The following UBR2 variants were observed in gnomAD, a reference collection of about 807,000 sequenced individuals.
UBR2 encodes E3 ubiquitin-protein ligase UBR2.
A neutral mutation model predicts 247.9 loss-of-function variants in UBR2; 92 were observed. The ratio of observed to expected loss-of-function variants is 0.37; its 90% confidence interval spans 0.31 to 0.44. The LOEUF (loss-of-function observed/expected upper bound fraction) is 0.44. Ranked by LOEUF, UBR2 falls within the 20% of genes least tolerant of loss-of-function variation. The pLI, the probability that UBR2 is intolerant of heterozygous loss-of-function variation, is 1.00. For missense variants in UBR2, 1,613 were observed against 2,112.6 expected (o/e 0.76, Z 4.64); for synonymous variants, 672 against 693.5 (o/e 0.97, Z 0.49).
intron 13 of UBR2, among the ~76,000 whole-genome samples, chr6:42,634,497 C>T (rs1008805005): frequency 7.2e-5 from 11 of 152,192 alleles, no homozygotes; most frequent in Non-Finnish European, 4.4e-5. Flanking sequence ...CTCTATCGCC[C>T]AGGCGGGAGT....
chr6:42,671,639 CTT>C (rs1297380507), intron 36 of UBR2, among the ~76,000 whole-genome samples: 4 of 152,248 alleles, frequency 2.6e-5, no homozygotes, highest in African/African-American at 7.2e-5. Flanking sequence ...CATTCTGAAA[CTT>C]TTATTTCTCT....
chr6:42,680,964 C>T (rs527537166), intron 42 of UBR2, among the ~76,000 whole-genome samples: 1 of 152,032 alleles, frequency 6.6e-6, no homozygotes, highest in African/African-American at 2.4e-5. Flanking sequence ...GAGATCGAGA[C>T]CATCCTGGCT....
chr6:42,636,188 T>G (rs1234041830), intron 14 of UBR2, among the ~76,000 whole-genome samples: 2 of 150,032 alleles, frequency 1.3e-5, no homozygotes, highest in Non-Finnish European at 3.0e-5. Flanking sequence ...TTTTGTTTTT[T>G]TTTTTTTTGA....
rs936045862 is a variant in UBR2, at chr6:42,641,474, A to G, written c.1921-108A>G. On this transcript the variant is annotated intron_variant, in intron 16 of 46. Transcript: ENST00000372901. The stretch of plus-strand genomic sequence containing the variant: ...AAAAATAATAATAATAATAATTTAT[A>G]TTGTGTTTTATAAAAGCATTTATCT... 25 of 676,088 alleles carry G rather than the reference A, an allele frequency of 3.7e-5. No individual in the cohort carries two copies. The African/African-American group carries it at 4.9e-4, about 13-fold the overall frequency. The allele number at this position is 676,088 out of a possible 1,614,324, so 41.9% of individuals were successfully genotyped here.
At chr6:42,663,641 T>C (rs1797949253) in intron 32 of UBR2, among the ~76,000 whole-genome samples, 1 of 152,216 alleles carries the variant, frequency 6.6e-6, no homozygotes. Context: ...TAAATTCCTA[T>C]GTATTTATGA....
intron 13 of UBR2, among the ~76,000 whole-genome samples, chr6:42,634,664 A>G (rs944588836): frequency 2.0e-5 from 3 of 152,222 alleles, no homozygotes; most frequent in Non-Finnish European, 4.4e-5. Flanking sequence ...CATGTTGGCC[A>G]GGCTGGTCTT....
chr6:42,565,196 G>A (rs1790707287), intron 1 of UBR2, among the ~76,000 whole-genome samples: 1 of 152,170 alleles, frequency 6.6e-6, no homozygotes, highest in Admixed American at 6.5e-5. Context: ...ACGCACTATT[G>A]CATTAAAACT....
chr6:42,611,667 A>G (rs1459088685), intron 7 of UBR2, among the ~76,000 whole-genome samples: 1 of 152,110 alleles, frequency 6.6e-6, no homozygotes, highest in Non-Finnish European at 1.5e-5. Context: ...GTGCTTTGGG[A>G]GACTGAGGCA....
intron 11 of UBR2, among the ~76,000 whole-genome samples, chr6:42,632,067 A>ATATATATATATATATATAT (rs60620486): frequency 6.2e-5 from 5 of 80,390 alleles, no homozygotes; most frequent in African/African-American, 2.7e-4. Context: ...AAAAAAAAAA[A>ATATATATATATATATATAT]AAATATATAT....
At chr6:42,634,796 G>C (rs1047414028) in intron 13 of UBR2, among the ~76,000 whole-genome samples, 12 of 152,086 alleles carry the variant, frequency 7.9e-5, no homozygotes, top group Admixed American at 7.9e-4. Context: ...GTAGTTCATG[G>C]GTGTTTATTA....
intron 8 of UBR2, among the ~76,000 whole-genome samples, chr6:42,612,904 CA>C (rs1794183359): frequency 6.6e-6 from 1 of 152,140 alleles, no homozygotes; most frequent in African/African-American, 2.4e-5. Context: ...AGTTCAAGAC[CA>C]GCCTGACCAA....
chr6:42,607,174 A>G (rs2151930459), intron 7 of UBR2, among the ~76,000 whole-genome samples: 1 of 147,102 alleles, frequency 6.8e-6, no homozygotes, highest in Non-Finnish European at 1.5e-5. Flanking sequence ...AAATAATTTT[A>G]TCTTTTTTTT....
At chr6:42,642,349 G>A in intron 17 of UBR2, 67 bp from the exon 18 acceptor site, 2 of 1,119,666 alleles carry the variant, frequency 1.8e-6, no homozygotes, top group Non-Finnish European at 2.6e-6. Flanking sequence ...TGTGCTTTTG[G>A]GGAAGGATTA....
At chr6:42,570,699 T>C (rs966299094) in intron 1 of UBR2, among the ~76,000 whole-genome samples, 6 of 152,154 alleles carry the variant, frequency 3.9e-5, no homozygotes, top group African/African-American at 1.4e-4. Flanking sequence ...TTGTTTGTTT[T>C]TTGAGACAGG....
chr6:42,592,001 A>T, intron 2 of UBR2, 150 bp from the exon 3 acceptor site: 1 of 704,032 alleles, frequency 1.4e-6, no homozygotes, highest in Non-Finnish European at 2.3e-6. Flanking sequence ...CAAAGATCTG[A>T]CAGATCTTTG....
At position 42,659,787 on chromosome 6, in the gene UBR2, T is replaced by G; in HGVS notation, c.3374T>G (p.Val1125Gly). 1.2e-6 allele frequency: 2 copies of G among 1,614,178 alleles called. No homozygotes were observed. The highest frequency in any genetic ancestry group is 1.7e-6 in the Non-Finnish European group (2 of 1,180,038). The stretch of plus-strand genomic sequence containing the variant: ...GTTAAAGTGGAAAGCAGGGCAATGG[T>G]CTTGGCAGCATTTGTTCAGAGATCA... The part of the protein sequence containing the change: ...QEVKVESRAM[V>G]LAAFVQRSTV... The change falls in exon 30 of 47, where the codon GTC becomes GGC. Residue 1125 changes from valine (V) to glycine (G), a missense_variant. Around this residue, in one of 3 missense-constraint regions of UBR2, gnomAD observed 1,524 missense variants for 1,967.3 expected, o/e 0.77. Coordinates refer to ENST00000372901, the MANE Select transcript of UBR2 (RefSeq NM_001363705.2). This position sits in a 1 kb window ranked among gnomAD's most constrained non-coding sequence, Gnocchi z 4.3.
chr6:42,652,270 C>T (rs1797165410), intron 24 of UBR2, among the ~76,000 whole-genome samples, 199 bp downstream of exon 24: 1 of 152,266 alleles, frequency 6.6e-6, no homozygotes, highest in Non-Finnish European at 1.5e-5. Context: ...TTGATGTTAT[C>T]TCAGATCTTA....
intron 11 of UBR2, among the ~76,000 whole-genome samples, chr6:42,631,876 A>G (rs1795744732): frequency 7.1e-6 from 1 of 139,870 alleles, no homozygotes; most frequent in African/African-American, 2.6e-5. Flanking sequence ...ATATATATAT[A>G]TATATATATA....
chr6:42,667,719 T>TC (rs1798200327), intron 34 of UBR2, among the ~76,000 whole-genome samples: 1 of 148,698 alleles, frequency 6.7e-6, no homozygotes, highest in Non-Finnish European at 1.5e-5. Flanking sequence ...TTTTTTTTTT[T>TC]CTGAATGGTG....
Sources: gnomAD v4.1 joint callset for allele counts (sites outside exome capture counted in the v4.1 genomes callset) on GRCh38, gnomAD v4.1.1 for gene constraint, gnomAD v4.1.1 regional missense constraint, Gnocchi (gnomAD v3.1) non-coding constraint, MANE v1.5 for transcripts, NCBI Gene and HGNC (gene_info 2026-07-23, HGNC 2026-07-21) for gene names.